The following CAMK2G variants were observed in gnomAD, a reference collection of about 807,000 sequenced individuals.
The protein encoded by CAMK2G is calcium/calmodulin dependent protein kinase II gamma.
A neutral mutation model predicts 88.7 loss-of-function variants in CAMK2G; 23 were observed. The ratio of observed to expected loss-of-function variants is 0.26; its 90% CI spans 0.19 to 0.37. CAMK2G has a LOEUF of 0.37. Among genes scored for constraint, CAMK2G ranks in the 10% least tolerant of loss-of-function variants. CAMK2G has a pLI of 1.00. For synonymous variants in CAMK2G, 263 were observed against 294.8 expected, an observed-to-expected ratio of 0.89 and a Z score of 1.11; for missense variants, 476 against 780.8, an observed-to-expected ratio of 0.61 and a Z score of 4.65.
rs753797210 is a variant in CAMK2G at position 73,842,135 on chromosome 10, G to C, written c.946+34C>G. ...AGCCCATTCCTGATCCACTCACCTC[G>C]GCATAATCAAAGTACACAGCTGGGA... is the stretch of plus-strand genomic sequence containing the variant. On this transcript the variant is annotated intron_variant, in intron 12 of 22. Transcript: ENST00000423381. This position sits in a 1 kb window ranked among gnomAD's most constrained non-coding sequence, Gnocchi z 4.6. The C allele has an allele frequency of 6.3e-7, 1 of 1,581,560 alleles. No homozygotes were observed. Among genetic ancestry groups the C allele is most frequent in the Non-Finnish European group, 8.7e-7 (1 of 1,150,230 alleles).
intron 14 of CAMK2G, among the ~76,000 whole-genome samples, chr10:73,832,170 T>C (rs2092553509): frequency 6.6e-6 from 1 of 152,118 alleles, no homozygotes; most frequent in African/African-American, 2.4e-5. Flanking sequence ...TTTCTCAAAT[T>C]CCCATCACCT....
intron 2 of CAMK2G, among the ~76,000 whole-genome samples, chr10:73,866,541 T>C (rs1004135026): frequency 6.6e-6 from 1 of 152,082 alleles, no homozygotes; most frequent in Non-Finnish European, 1.5e-5. Context: ...CCTCTGTACG[T>C]GGGAAAGGAT....
rs1189790189 is a variant in CAMK2G, at chr10:73,848,451, G to A, written c.601+75C>T. The A allele has an allele frequency of 9.5e-6, 9 of 944,280 alleles. No individual in the cohort carries two copies. The highest frequency in any genetic ancestry group is 4.1e-5 in the South Asian group (3 of 74,048). 58.5% of individuals were successfully genotyped at this position (944,280 alleles called of 1,614,324 possible). A position where few individuals can be genotyped will look rare whatever the true frequency, so the allele number is the denominator to read the frequency against. On this transcript the variant is annotated intron_variant, in intron 8 of 22. Coordinates refer to ENST00000423381, the MANE Select transcript of CAMK2G (RefSeq NM_001367534.1). The surrounding 1 kb of genome is among the most constrained non-coding windows in gnomAD (Gnocchi z 4.5). ...ACGTGTGTGACCTGCAAGGAATAGC[G>A]ATGCCTCTTTCTTGCCATCATCGGA... is the stretch of plus-strand genomic sequence containing the variant.
intron 2 of CAMK2G, among the ~76,000 whole-genome samples, chr10:73,863,845 A>C (rs1327565893): frequency 1.3e-5 from 2 of 152,160 alleles, no homozygotes; most frequent in Admixed American, 6.5e-5. Flanking sequence ...CCTTAACTCC[A>C]AGGAGCTGAG....
intron 14 of CAMK2G, among the ~76,000 whole-genome samples, chr10:73,832,907 AC>A (rs1164298580): frequency 6.6e-6 from 1 of 150,848 alleles, no homozygotes; most frequent in Admixed American, 6.6e-5. Flanking sequence ...GGTACGCACC[AC>A]TGTGTCTGGC....
chr10:73,830,140 C>A (rs1250423345), intron 14 of CAMK2G, among the ~76,000 whole-genome samples: 2 of 152,198 alleles, frequency 1.3e-5, no homozygotes, highest in Non-Finnish European at 1.5e-5. Context: ...CCTGAGATCA[C>A]CCTTTTCCAA....
intron 17 of CAMK2G, among the ~76,000 whole-genome samples, chr10:73,822,600 T>C (rs2089342679): frequency 1.3e-5 from 2 of 152,182 alleles, no homozygotes; most frequent in South Asian, 4.1e-4. Context: ...CAAGGGCCTC[T>C]GTAGCAGGCC....
intron 19 of CAMK2G, 71 bp downstream of exon 19, chr10:73,819,461 G>T: frequency 9.4e-7 from 1 of 1,069,156 alleles, no homozygotes; most frequent in South Asian, 1.3e-5. Context: ...GACAGCTGTG[G>T]TGGGGGTCCC....
intron 19 of CAMK2G, 21 bp from the exon 20 acceptor site, chr10:73,817,575 T>C: frequency 1.3e-6 from 2 of 1,554,938 alleles, no homozygotes; most frequent in Non-Finnish European, 1.8e-6. Context: ...GAAAAATCCA[T>C]CAATTTACCT....
chr10:73,856,737 C>T (rs796371035), intron 3 of CAMK2G, among the ~76,000 whole-genome samples: 3 of 152,366 alleles, frequency 2.0e-5, no homozygotes, highest in Admixed American at 6.5e-5. Context: ...GAGTATAAAG[C>T]ATTTACTGCA....
intron 2 of CAMK2G, among the ~76,000 whole-genome samples, chr10:73,865,824 C>A (rs1267302742): frequency 6.6e-6 from 1 of 152,118 alleles, no homozygotes; most frequent in African/African-American, 2.4e-5. Context: ...CCAAGGTGGA[C>A]CCTCCTCCAC....
intron 2 of CAMK2G, among the ~76,000 whole-genome samples, chr10:73,872,478 A>G (rs2095867097): frequency 6.6e-6 from 1 of 152,258 alleles, no homozygotes; most frequent in Non-Finnish European, 1.5e-5. Context: ...AGCCCTCGCC[A>G]GTAGCAGCCT....
intron 14 of CAMK2G, among the ~76,000 whole-genome samples, chr10:73,832,713 T>C (rs1246837642): frequency 6.6e-6 from 1 of 152,196 alleles, no homozygotes; most frequent in Non-Finnish European, 1.5e-5. Context: ...AACTTTTGAA[T>C]AGTTTATTAA....
intron 14 of CAMK2G, chr10:73,836,924 C>G (rs2093305285): frequency 6.4e-6 from 1 of 156,924 alleles, no homozygotes; most frequent in Admixed American, 6.1e-5. Context: ...AGCCGTGATC[C>G]ACCATGGCCT....
chr10:73,838,683 C>T (rs1036679518), intron 13 of CAMK2G, among the ~76,000 whole-genome samples: 3 of 152,140 alleles, frequency 2.0e-5, no homozygotes, highest in East Asian at 1.9e-4. Context: ...CTTATCTTGT[C>T]GTGCTGGGTT....
In CAMK2G at chr10:73,813,438, C is replaced by G. The variant is rs2132949396; in HGVS notation, c.*1080G>C. 6.5e-6 allele frequency: 1 copy of G among 152,822 alleles called. No homozygotes were observed. Among genetic ancestry groups the G allele is most frequent in the African/African-American group, 2.4e-5 (1 of 41,582 alleles). 9.5% of individuals were successfully genotyped at this position (152,822 alleles called of 1,614,324 possible). A position where few individuals can be genotyped will look rare whatever the true frequency, so the allele number is the denominator to read the frequency against. ...AGAAGGGAGGCAGCCCCAAAGGCAG[C>G]CTGAATGCATAGAAACGACCACCAC... On this transcript the variant is annotated 3_prime_UTR_variant, in exon 23 of 23. Coordinates refer to ENST00000423381, the MANE Select transcript of CAMK2G (RefSeq NM_001367534.1).
intron 19 of CAMK2G, 59 bp from the exon 20 acceptor site, chr10:73,817,613 G>T: frequency 8.9e-7 from 1 of 1,124,502 alleles, no homozygotes. Flanking sequence ...GTTACAGAGA[G>T]CCCTCCCCAG....
rs2094403025 is a variant in CAMK2G at position 73,848,457 on chromosome 10, T to G, written c.601+69A>C. 2.0e-6 allele frequency: 2 copies of G among 1,008,018 alleles called. No homozygotes were observed. Among genetic ancestry groups the G allele is most frequent in the African/African-American group, 1.6e-5 (1 of 63,340 alleles). The allele number at this position is 1,008,018 out of a possible 1,614,324, so 62.4% of individuals were successfully genotyped here. ...GTGACCTGCAAGGAATAGCGATGCC[T>G]CTTTCTTGCCATCATCGGAAGTTGA... On this transcript the variant is annotated intron_variant, in intron 8 of 22. Transcript: ENST00000423381. This position sits in a 1 kb window ranked among gnomAD's most constrained non-coding sequence, Gnocchi z 4.5.
chr10:73,832,280 C>T (rs2092569014), intron 14 of CAMK2G, among the ~76,000 whole-genome samples: 1 of 151,482 alleles, frequency 6.6e-6, no homozygotes, highest in Non-Finnish European at 1.5e-5. Flanking sequence ...TTTCTTCAAA[C>T]CAAATTTAGA....
Sources: gnomAD v4.1 joint callset for allele counts (sites outside exome capture counted in the v4.1 genomes callset) on GRCh38, gnomAD v4.1.1 for gene constraint, Gnocchi (gnomAD v3.1) non-coding constraint, MANE v1.5 for transcripts, NCBI Gene and HGNC (gene_info 2026-07-23, HGNC 2026-07-21) for gene names.